UBR2: variants seen among roughly 807,000 people sequenced by gnomAD.
UBR2 encodes ubiquitin protein ligase E3 component n-recognin 2.
In UBR2, 92 loss-of-function variants were observed where a neutral mutation model predicts 247.9. The ratio of observed to expected loss-of-function variants is 0.37; its 90% CI spans 0.31 to 0.44. The LOEUF (loss-of-function observed/expected upper bound fraction) is 0.44. Ranked by LOEUF, UBR2 falls within the 20% of genes least tolerant of loss-of-function variation. UBR2 has a pLI of 1.00. For missense variants in UBR2, 1,613 were observed against 2,112.6 expected (o/e 0.76, Z 4.64); for synonymous variants, 672 against 693.5 (o/e 0.97, Z 0.49).
At chr6:42,683,374 T>A (rs1799167012) in intron 43 of UBR2, among the ~76,000 whole-genome samples, 1 of 152,106 alleles carries the variant, frequency 6.6e-6, no homozygotes, top group South Asian at 2.1e-4. Flanking sequence ...ATATAACACG[T>A]CTCCTAGGTT....
chr6:42,676,324 A>T, intron 39 of UBR2, 133 bp downstream of exon 39: 1 of 956,714 alleles, frequency 1.0e-6, no homozygotes, highest in Non-Finnish European at 1.5e-6. Flanking sequence ...GTGTATCTTC[A>T]TATGAAAAGT....
intron 22 of UBR2, 138 bp from the exon 23 acceptor site, chr6:42,650,145 AC>A (rs1797031482): frequency 1.6e-6 from 1 of 634,198 alleles, no homozygotes; most frequent in East Asian, 2.9e-5. Context: ...TGCCAAATCA[AC>A]CCACTGAAAA....
intron 2 of UBR2, among the ~76,000 whole-genome samples, chr6:42,589,872 G>A (rs1469762076): frequency 1.3e-5 from 2 of 152,154 alleles, no homozygotes; most frequent in African/African-American, 4.8e-5. Flanking sequence ...TGTGTGAAAT[G>A]TGTTGGATTT....
At chr6:42,671,422 A>AAG (rs1798432160) in intron 36 of UBR2, among the ~76,000 whole-genome samples, 1 of 151,414 alleles carries the variant, frequency 6.6e-6, no homozygotes, top group African/African-American at 2.4e-5. Flanking sequence ...AAAAAAAAAA[A>AAG]AAGAAGAAGA....
intron 2 of UBR2, among the ~76,000 whole-genome samples, chr6:42,577,733 A>G (rs900926815): frequency 1.3e-5 from 2 of 152,118 alleles, no homozygotes; most frequent in Non-Finnish European, 2.9e-5. Context: ...TTTTTAGTGT[A>G]GTTAAATTGA....
At chr6:42,590,407 A>G (rs1372927744) in intron 2 of UBR2, among the ~76,000 whole-genome samples, 2 of 152,254 alleles carry the variant, frequency 1.3e-5, no homozygotes, top group Admixed American at 6.5e-5. Flanking sequence ...TTTTCTTTAT[A>G]TGAAAGCAAA....
At chr6:42,602,358 A>G (rs2151926479) in intron 4 of UBR2, among the ~76,000 whole-genome samples, 1 of 151,304 alleles carries the variant, frequency 6.6e-6, no homozygotes, top group Admixed American at 6.6e-5. Context: ...GCCCTCCACC[A>G]CGCCCGGCTA....
chr6:42,634,040 TTC>T (rs1795933441), intron 13 of UBR2, among the ~76,000 whole-genome samples: 3 of 152,198 alleles, frequency 2.0e-5, no homozygotes. Context: ...ACTTTTATAT[TTC>T]TTTGGTTTCC....
At chr6:42,590,465 T>C (rs1792585128) in intron 2 of UBR2, among the ~76,000 whole-genome samples, 1 of 152,176 alleles carries the variant, frequency 6.6e-6, no homozygotes, top group Admixed American at 6.6e-5. Flanking sequence ...GTATTGTCTA[T>C]AAGAGGCAAA....
Position 42,666,625 on chromosome 6 carries a change from C to G in UBR2, c.3881+380C>G, listed in dbSNP as rs918684181. 5.3e-5 allele frequency among the ~76,000 whole-genome samples: 8 copies of G among 152,282 alleles called. No homozygotes were observed. In the East Asian group the frequency reaches 1.4e-3, roughly 26 times the overall value. ...CAGCATTGCTGACCCCTGCCACACC[C>G]CTTTCTTTACCTGGCTCTCCTTGAC... On this transcript the variant is annotated intron_variant, in intron 34 of 46. Transcript: ENST00000372901.
At chr6:42,665,605 C>A in intron 33 of UBR2, 93 bp downstream of exon 33, 1 of 1,001,508 alleles carries the variant, frequency 1.0e-6, no homozygotes, top group Non-Finnish European at 1.5e-6. Context: ...GTGAAACCTC[C>A]CATTTAAAAT....
chr6:42,634,022 C>T (rs540949288), intron 13 of UBR2, among the ~76,000 whole-genome samples: 20 of 152,106 alleles, frequency 1.3e-4, no homozygotes, highest in Non-Finnish European at 2.6e-4. Context: ...TGAGCCACTG[C>T]GCCAGCCACT....
intron 44 of UBR2, among the ~76,000 whole-genome samples, chr6:42,685,767 T>C (rs910821785): frequency 6.6e-6 from 1 of 151,574 alleles, no homozygotes; most frequent in Non-Finnish European, 1.5e-5. Context: ...AATAATATAA[T>C]AGGGGAGGCT....
At chr6:42,681,241 G>C (rs1254482152) in intron 42 of UBR2, among the ~76,000 whole-genome samples, 1 of 150,884 alleles carries the variant, frequency 6.6e-6, no homozygotes, top group African/African-American at 2.4e-5. Context: ...TTAAACATTA[G>C]GCATGCTGAC....
At chr6:42,662,943 C>T (rs1307553463) in intron 31 of UBR2, among the ~76,000 whole-genome samples, 1 of 150,756 alleles carries the variant, frequency 6.6e-6, no homozygotes, top group South Asian at 2.1e-4. Context: ...TCAAAAACAA[C>T]AACAACAACA....
chr6:42,689,209 G>C lies in UBR2; in HGVS notation c.5025-360G>C, dbSNP rs1467603362. ...CTGGGCAAGGTGTAAGCCATTTCAG[G>C]GTTTGAAGCAGAGGCATGACATGAG... is the stretch of plus-strand genomic sequence containing the variant. On this transcript the variant is annotated intron_variant, in intron 45 of 46. Transcript: ENST00000372901. The surrounding 1 kb of genome is among the most constrained non-coding windows in gnomAD (Gnocchi z 4.0). 1.3e-5 allele frequency among the ~76,000 whole-genome samples: 2 copies of C among 152,204 alleles called. No homozygotes were observed. The highest frequency in any genetic ancestry group is 1.5e-5 in the Non-Finnish European group (1 of 68,036).
chr6:42,662,755 C>T (rs1027978583), intron 31 of UBR2, among the ~76,000 whole-genome samples: 1 of 152,118 alleles, frequency 6.6e-6, no homozygotes, highest in Admixed American at 6.6e-5. Flanking sequence ...TACTATTATT[C>T]TAGAACTATG....
intron 1 of UBR2, among the ~76,000 whole-genome samples, chr6:42,570,798 C>G (rs1791075951): frequency 6.6e-6 from 1 of 151,974 alleles, no homozygotes; most frequent in African/African-American, 2.4e-5. Context: ...ATCCTCCCAC[C>G]TCAGCCTCCT....
intron 38 of UBR2, 109 bp downstream of exon 38, chr6:42,674,302 C>A: frequency 2.0e-6 from 2 of 984,616 alleles, no homozygotes; most frequent in Non-Finnish European, 3.0e-6. Flanking sequence ...GATTTCCTTA[C>A]CCCTTCTGAG....
Sources: gnomAD v4.1 joint callset for allele counts (sites outside exome capture counted in the v4.1 genomes callset) on GRCh38, gnomAD v4.1.1 for gene constraint, Gnocchi (gnomAD v3.1) non-coding constraint, MANE v1.5 for transcripts, NCBI Gene and HGNC (gene_info 2026-07-23, HGNC 2026-07-21) for gene names.